RARB: variants seen among roughly 807,000 people sequenced by gnomAD.
The protein encoded by RARB is HBV-activated protein.
RARB carries 17 observed loss-of-function variants against 51.9 expected under a neutral mutation model. That is an observed-to-expected ratio of 0.33 (90% CI 0.22 to 0.49). RARB has a LOEUF of 0.49. Among genes scored for constraint, RARB ranks in the 20% least tolerant of loss-of-function variants. The pLI, the probability that RARB is intolerant of heterozygous loss-of-function variation, is 0.99. For missense variants in RARB, 369 were observed against 550.8 expected, an observed-to-expected ratio of 0.67 and a Z score of 3.30; for synonymous variants, 215 against 195.4, an observed-to-expected ratio of 1.10 and a Z score of -0.84.
chr3:25,069,814 C>G (rs1698733155), intron 3 of RARB, among the ~76,000 whole-genome samples: 1 of 152,154 alleles, frequency 6.6e-6, no homozygotes, highest in Admixed American at 6.5e-5. Context: ...TGTTGAGACA[C>G]AAAATGAACA....
At chr3:25,191,661 T>TG (rs1701107417) in intron 5 of RARB, among the ~76,000 whole-genome samples, 1 of 152,110 alleles carries the variant, frequency 6.6e-6, no homozygotes, top group Non-Finnish European at 1.5e-5. Context: ...TAACTTGCAT[T>TG]GGGGGAAGAC....
At chr3:25,216,704 T>A (rs1375979603) in intron 5 of RARB, among the ~76,000 whole-genome samples, 1 of 151,888 alleles carries the variant, frequency 6.6e-6, no homozygotes, top group East Asian at 1.9e-4. Context: ...ATCCTGTTTT[T>A]TTTTTAGAAG....
chr3:25,216,371 G>A (rs528782911), intron 5 of RARB, among the ~76,000 whole-genome samples: 307 of 152,288 alleles, frequency 2.0e-3, no homozygotes, highest in Non-Finnish European at 3.5e-3. Flanking sequence ...TAAAGAAAAT[G>A]TAGTACATAT....
At chr3:24,901,537 A>G (rs989634426) in intron 2 of RARB, among the ~76,000 whole-genome samples, 1 of 152,240 alleles carries the variant, frequency 6.6e-6, no homozygotes, top group Non-Finnish European at 1.5e-5. Flanking sequence ...CACTGGGCGC[A>G]GTTCAGGGAT....
At chr3:25,174,595 GCT>G (rs764015722) in intron 5 of RARB, 140 of 1,351,706 alleles carry the variant, frequency 1.0e-4, no homozygotes, top group Non-Finnish European at 1.3e-4. Context: ...GCTGGAATTT[GCT>G]CTCTTTTCTC....
At chr3:24,981,653 T>G (rs909849858) in intron 2 of RARB, among the ~76,000 whole-genome samples, 2 of 152,132 alleles carry the variant, frequency 1.3e-5, no homozygotes, top group African/African-American at 4.8e-5. Context: ...GCATAGTATT[T>G]GGGCAGGAGT....
chr3:25,494,251 A>ACACACACACGCACGCGCACGCGCG (rs1443411582), intron 2 of RARB, among the ~76,000 whole-genome samples: 6 of 77,106 alleles, frequency 7.8e-5, no homozygotes, highest in Admixed American at 5.3e-4. Flanking sequence ...GCTGTATCTT[A>ACACACACACGCACGCGCACGCGCG]CGCACACACA....
chr3:25,320,842 C>T (rs936427678), intron 5 of RARB, among the ~76,000 whole-genome samples: 3 of 152,138 alleles, frequency 2.0e-5, no homozygotes, highest in Non-Finnish European at 4.4e-5. Flanking sequence ...AGTCTTGCAG[C>T]GTATAGTCAA....
intron 2 of RARB, among the ~76,000 whole-genome samples, chr3:24,977,260 A>G (rs936309569): frequency 1.3e-5 from 2 of 152,122 alleles, no homozygotes; most frequent in African/African-American, 4.8e-5. Context: ...TTTTGGTTTC[A>G]TATGAAATTT....
At chr3:25,098,731 T>C (rs993517462) in intron 3 of RARB, among the ~76,000 whole-genome samples, 2 of 152,208 alleles carry the variant, frequency 1.3e-5, no homozygotes, top group African/African-American at 4.8e-5. Context: ...CAGCCTTAAA[T>C]ATTTATAATC....
intron 1 of RARB, among the ~76,000 whole-genome samples, chr3:25,459,888 C>T (rs1039536946): frequency 2.0e-5 from 3 of 152,142 alleles, no homozygotes; most frequent in African/African-American, 7.2e-5. Context: ...TTCCCGATTT[C>T]CATCTTATTT....
chr3:25,140,212 T>C (rs1025823557), intron 4 of RARB, among the ~76,000 whole-genome samples: 16 of 152,178 alleles, frequency 1.1e-4, no homozygotes, highest in Non-Finnish European at 1.8e-4. Flanking sequence ...ACAGCTGCCA[T>C]AGATAGTGAT....
chr3:24,875,079 T>G (rs1016009086), intron 2 of RARB, among the ~76,000 whole-genome samples: 1 of 152,102 alleles, frequency 6.6e-6, no homozygotes, highest in African/African-American at 2.4e-5. Flanking sequence ...TTAAACAAGA[T>G]TTTGGTTCTA....
At chr3:24,919,589 G>C (rs528437687) in intron 2 of RARB, among the ~76,000 whole-genome samples, 79 of 152,170 alleles carry the variant, frequency 5.2e-4, no homozygotes, top group African/African-American at 1.7e-3. Context: ...GAATCTCTCT[G>C]AGCCTACTCT....
chr3:25,210,313 A>G (rs1701660402), intron 5 of RARB, among the ~76,000 whole-genome samples: 1 of 152,042 alleles, frequency 6.6e-6, no homozygotes, highest in African/African-American at 2.4e-5. Flanking sequence ...TATAAATAAA[A>G]TTTATAGGTT....
chr3:25,221,553 C>G (rs935981282), intron 5 of RARB, among the ~76,000 whole-genome samples: 1 of 152,186 alleles, frequency 6.6e-6, no homozygotes, highest in Non-Finnish European at 1.5e-5. Flanking sequence ...TGTCAAAATT[C>G]TGCACTAGCC....
intron 5 of RARB, among the ~76,000 whole-genome samples, chr3:25,205,009 C>T (rs1419809885): frequency 6.6e-6 from 1 of 152,176 alleles, no homozygotes; most frequent in African/African-American, 2.4e-5. Context: ...TTTGGGTATG[C>T]CTTGCCCCCA....
At chr3:25,371,831 A>G (rs774137925) in intron 5 of RARB, among the ~76,000 whole-genome samples, 6 of 152,228 alleles carry the variant, frequency 3.9e-5, no homozygotes, top group Admixed American at 6.5e-5. Flanking sequence ...GTAAACCAGA[A>G]AATAGAGTCA....
At chr3:25,490,487 A>G (rs943278886) in intron 2 of RARB, among the ~76,000 whole-genome samples, 2 of 152,186 alleles carry the variant, frequency 1.3e-5, no homozygotes, top group Non-Finnish European at 2.9e-5. Flanking sequence ...CAAACTTCTA[A>G]AAGAGATTTT....
Sources: allele counts gnomAD v4.1 joint callset (sites outside exome capture counted in the v4.1 genomes callset), GRCh38; gene constraint gnomAD v4.1.1; transcripts MANE v1.5; gene names NCBI Gene and HGNC (gene_info 2026-07-23, HGNC 2026-07-21).